Variants in TNIK observed in about 807,000 individuals in gnomAD.
The protein encoded by TNIK is TRAF2 and NCK-interacting protein kinase.
A neutral mutation model predicts 191.3 loss-of-function variants in TNIK; 49 were observed. That is an observed-to-expected ratio of 0.26 (90% CI 0.20 to 0.32). The LOEUF (loss-of-function observed/expected upper bound fraction) is 0.32. Ranked by LOEUF, TNIK falls within the 10% of genes least tolerant of loss-of-function variation. TNIK has a pLI of 1.00. For synonymous variants in TNIK, 594 were observed against 600.9 expected (o/e 0.99, Z 0.17); for missense variants, 1,155 against 1,702.3 (o/e 0.68, Z 5.66).
At chr3:171,265,902 A>G (rs1486609118) in intron 2 of TNIK, among the ~76,000 whole-genome samples, 1 of 152,228 alleles carries the variant, frequency 6.6e-6, no homozygotes, top group Admixed American at 6.5e-5. Flanking sequence ...TCAAATAAGA[A>G]TCTGCAGTTG....
intron 2 of TNIK, among the ~76,000 whole-genome samples, chr3:171,353,917 G>C (rs1713611863): frequency 6.6e-6 from 1 of 152,130 alleles, no homozygotes; most frequent in Non-Finnish European, 1.5e-5. Flanking sequence ...TTCTTAAAAT[G>C]TTTATTCTGG....
At chr3:171,295,506 C>T (rs1308037528) in intron 2 of TNIK, among the ~76,000 whole-genome samples, 3 of 152,178 alleles carry the variant, frequency 2.0e-5, no homozygotes, top group African/African-American at 4.8e-5. Context: ...TCCTGTCCCC[C>T]AACTGCCCTT....
chr3:171,082,928 T>A (rs1720872844), intron 26 of TNIK, among the ~76,000 whole-genome samples: 1 of 152,204 alleles, frequency 6.6e-6, no homozygotes, highest in Non-Finnish European at 1.5e-5. Context: ...TGCTCTTTTT[T>A]AGGGAAATGA....
At chr3:171,181,033 G>A (rs1210379442) in intron 7 of TNIK, among the ~76,000 whole-genome samples, 2 of 152,162 alleles carry the variant, frequency 1.3e-5, no homozygotes, top group Non-Finnish European at 2.9e-5. Flanking sequence ...ATTGAGATGA[G>A]GTTTCACTAT....
At chr3:171,295,717 T>A (rs927697395) in intron 2 of TNIK, among the ~76,000 whole-genome samples, 6 of 152,268 alleles carry the variant, frequency 3.9e-5, no homozygotes, top group Admixed American at 2.6e-4. Context: ...GGTATTGTTT[T>A]GAGTGTGTCC....
At chr3:171,283,635 A>C (rs1222177405) in intron 2 of TNIK, among the ~76,000 whole-genome samples, 1 of 152,226 alleles carries the variant, frequency 6.6e-6, no homozygotes, top group Non-Finnish European at 1.5e-5. Context: ...GTAGCCTGGA[A>C]GAAACCTTAC....
chr3:171,319,512 G>A (rs1018492484), intron 2 of TNIK, among the ~76,000 whole-genome samples: 1 of 150,422 alleles, frequency 6.6e-6, no homozygotes, highest in Non-Finnish European at 1.5e-5. Context: ...AGATTTGGGG[G>A]AAAAAAAAAG....
At chr3:171,104,321 C>T (rs1724274417) in intron 21 of TNIK, among the ~76,000 whole-genome samples, 1 of 152,020 alleles carries the variant, frequency 6.6e-6, no homozygotes, top group Admixed American at 6.6e-5. Context: ...ATTCTATTTT[C>T]ATATATTTTA....
At chr3:171,292,557 A>C (rs966064104) in intron 2 of TNIK, among the ~76,000 whole-genome samples, 3 of 152,130 alleles carry the variant, frequency 2.0e-5, no homozygotes, top group African/African-American at 7.2e-5. Flanking sequence ...CGGGCGGAAC[A>C]TGAGGTCAGG....
intron 2 of TNIK, among the ~76,000 whole-genome samples, chr3:171,344,646 A>G (rs59065634): frequency 0.24 from 36,638 of 152,038 alleles, 4,457 homozygotes; most frequent in East Asian, 0.31. Context: ...GCTCCAAAAT[A>G]TAATCACACC....
At position 171,093,546 on chromosome 3, in the gene TNIK, T is replaced by C. The variant is rs532844096; in HGVS notation, c.2721+293A>G. 2.6e-5 allele frequency among the ~76,000 whole-genome samples: 4 copies of C among 152,350 alleles called. No homozygotes were observed. The East Asian group carries it at 7.7e-4, about 29-fold the overall frequency. On this transcript the variant is annotated intron_variant, in intron 23 of 32. Transcript: ENST00000436636. ...TTCTGTTTTCCTGTTGTAGGAAACATCTAAGTTTGCAATTTTATATCCTCA... is the reference window on the plus strand; with the variant it reads ...TTCTGTTTTCCTGTTGTAGGAAACACCTAAGTTTGCAATTTTATATCCTCA...
intron 2 of TNIK, among the ~76,000 whole-genome samples, chr3:171,295,430 A>G (rs955360878): frequency 1.3e-5 from 2 of 152,086 alleles, no homozygotes; most frequent in Admixed American, 1.3e-4. Flanking sequence ...AAAGTGTTCT[A>G]TCCATTTCAG....
chr3:171,400,102 G>C (rs974607833), intron 1 of TNIK, among the ~76,000 whole-genome samples: 2 of 152,162 alleles, frequency 1.3e-5, no homozygotes, highest in Non-Finnish European at 2.9e-5. Flanking sequence ...GTGGACCCGG[G>C]ACCTGATGGG....
intron 2 of TNIK, among the ~76,000 whole-genome samples, chr3:171,304,846 C>T (rs573479408): frequency 6.2e-4 from 93 of 151,164 alleles, no homozygotes; most frequent in East Asian, 1.2e-3. Flanking sequence ...CATCACACAC[C>T]GGGGACCGTT....
chr3:171,093,836 T>TA lies in TNIK; in HGVS notation c.2721+2dup. 1 of 1,613,320 alleles carries TA rather than the reference T, an allele frequency of 6.2e-7. No individual in the cohort carries two copies. The highest frequency in any genetic ancestry group is 8.5e-7 in the Non-Finnish European group (1 of 1,179,504). On this transcript the variant is annotated splice_region_variant and intron_variant, in intron 23 of 32. Coordinates refer to ENST00000436636, the MANE Select transcript of TNIK (RefSeq NM_015028.4). Reference sequence around the variant, plus strand: ...CCTCTACACAGTTTTTATACCAACTTACCTCTCTAATCATCAAGGTTCCTT... The same window carrying TA: ...CCTCTACACAGTTTTTATACCAACTTAACCTCTCTAATCATCAAGGTTCCTT...
intron 2 of TNIK, among the ~76,000 whole-genome samples, chr3:171,322,755 A>G (rs950557876): frequency 2.6e-5 from 4 of 152,060 alleles, no homozygotes; most frequent in African/African-American, 9.7e-5. Context: ...GGCTGATAAA[A>G]TGAAAGTGCC....
intron 12 of TNIK, among the ~76,000 whole-genome samples, chr3:171,145,509 A>G (rs1363097033): frequency 6.6e-6 from 1 of 151,722 alleles, no homozygotes; most frequent in African/African-American, 2.4e-5. Context: ...CCCTCACGCT[A>G]CCTCTAGGTG....
At chr3:171,367,479 G>A (rs936270820) in intron 2 of TNIK, among the ~76,000 whole-genome samples, 5 of 151,372 alleles carry the variant, frequency 3.3e-5, no homozygotes, top group Non-Finnish European at 7.4e-5. Flanking sequence ...TTTTTGGGGG[G>A]GGGGGGAGGG....
At chr3:171,155,907 C>T (rs955129515) in intron 12 of TNIK, among the ~76,000 whole-genome samples, 10 of 152,176 alleles carry the variant, frequency 6.6e-5, no homozygotes, top group African/African-American at 2.4e-4. Flanking sequence ...ATCTGAAACC[C>T]GGTTTTCTTC....
Sources: gnomAD v4.1 joint callset for allele counts (sites outside exome capture counted in the v4.1 genomes callset) on GRCh38, gnomAD v4.1.1 for gene constraint, MANE v1.5 for transcripts, NCBI Gene and HGNC (gene_info 2026-07-23, HGNC 2026-07-21) for gene names.